The following ACSS1 variants were observed in gnomAD, a reference collection of about 807,000 sequenced individuals.
The protein encoded by ACSS1 is acetyl-coenzyme A synthetase 2-like, mitochondrial.
A neutral mutation model predicts 75.3 loss-of-function variants in ACSS1; 42 were observed. The ratio of observed to expected loss-of-function variants is 0.56; its 90% confidence interval spans 0.44 to 0.72. The LOEUF is 0.72. Ranked by LOEUF, ACSS1 falls within the 30% of genes least tolerant of loss-of-function variation. ACSS1 has a pLI of 0.00. For missense variants in ACSS1, 782 were observed against 935.7 expected, an observed-to-expected ratio of 0.84 and a Z score of 2.14; for synonymous variants, 380 against 376.8, an observed-to-expected ratio of 1.01 and a Z score of -0.10.
At chr20:25,050,952 G>A (rs926644013) in intron 1 of ACSS1, among the ~76,000 whole-genome samples, 1 of 152,116 alleles carries the variant, frequency 6.6e-6, no homozygotes, top group African/African-American at 2.4e-5. Flanking sequence ...CCTGGGTCCA[G>A]CAGATCAGAA....
rs141052908 is a variant in ACSS1 at position 25,057,849 on chromosome 20, G to A, written c.254C>T (p.Thr85Ile). ...GCAGTCCCAGACGGTGTGGTAGGGG[G>A]TGTCCCACACGAGAGTGTCCCGCGC... The part of the protein sequence containing the change: ...PLARDTLVWD[T>I]PYHTVWDCDF... The change falls in exon 1 of 14, where the codon ACC becomes ATC. Residue 85 changes from threonine (T) to isoleucine (I), a missense_variant. Thr to Ile is a moderately conservative substitution (Grantham distance 89). Transcript: ENST00000323482. The A allele has an allele frequency of 1.9e-6, 3 of 1,612,606 alleles. No homozygotes were observed. Among genetic ancestry groups the A allele is most frequent in the Admixed American group, 1.7e-5 (1 of 59,954 alleles).
At chr20:25,049,645 G>T (rs1243919602) in intron 1 of ACSS1, among the ~76,000 whole-genome samples, 1 of 152,218 alleles carries the variant, frequency 6.6e-6, no homozygotes, top group Non-Finnish European at 1.5e-5. Context: ...ACCCTGGGAA[G>T]TCAAGAGCAG....
chr20:25,009,586 A>G lies in ACSS1; in HGVS notation c.1772-198T>C, dbSNP rs967274693. 3 of 581,416 alleles carry G rather than the reference A, an allele frequency of 5.2e-6. No homozygotes were observed. In the African/African-American group the frequency reaches 5.6e-5, roughly 11 times the overall value. 36.0% of individuals were successfully genotyped at this position (581,416 alleles called of 1,614,324 possible). On this transcript the variant is annotated intron_variant, in intron 12 of 13. Transcript: ENST00000323482. ...CATGAAAAGTGGCAGCGATTCTAACAGCTCCACAGATGTTCCAGGTGAGTG... is the reference window on the plus strand; with the variant it reads ...CATGAAAAGTGGCAGCGATTCTAACGGCTCCACAGATGTTCCAGGTGAGTG...
rs2088663730 is a variant in ACSS1, at chr20:25,023,519, G to A, written c.754C>T (p.His252Tyr). 1 of 1,614,136 alleles carries A rather than the reference G, an allele frequency of 6.2e-7. No individual in the cohort carries two copies. The highest frequency in any genetic ancestry group is 8.5e-7 in the Non-Finnish European group (1 of 1,180,036). The change falls in exon 4 of 14, where the codon CAC becomes TAC. Residue 252 changes from histidine (H) to tyrosine (Y), a missense_variant. Coordinates refer to ENST00000323482, the MANE Select transcript of ACSS1 (RefSeq NM_032501.4). ...CPTVQHVLVA[H>Y]RTDNKVHMGD... is the part of the protein sequence containing the mutation. Reference sequence around the variant, plus strand: ...ATGTGGACCTTGTTGTCTGTCCTGTGAGCCACCAGGACATGCTGCACGGTG... The same window carrying A: ...ATGTGGACCTTGTTGTCTGTCCTGTAAGCCACCAGGACATGCTGCACGGTG...
At chr20:25,050,930 G>C (rs1345363807) in intron 1 of ACSS1, among the ~76,000 whole-genome samples, 1 of 152,146 alleles carries the variant, frequency 6.6e-6, no homozygotes, top group Non-Finnish European at 1.5e-5. Flanking sequence ...TCTTTCCAGG[G>C]CTGACAGGTG....
At chr20:25,030,626 CTAG>C in intron 3 of ACSS1, 130 bp downstream of exon 3, 1 of 1,030,380 alleles carries the variant, frequency 9.7e-7, no homozygotes, top group Non-Finnish European at 1.4e-6. Context: ...GTGCCTGTCC[CTAG>C]TACGATCTGT....
At chr20:25,046,950 C>T (rs1440525272) in intron 2 of ACSS1, 22 of 778,738 alleles carry the variant, frequency 2.8e-5, no homozygotes, top group East Asian at 2.2e-4. Flanking sequence ...GAGCCCTGGC[C>T]GAGGCTGGTG....
Position 25,006,909 on chromosome 20 carries a change from C to T in ACSS1, c.*853G>A, listed in dbSNP as rs749258922. 1.3e-6 allele frequency: 2 copies of T among 1,535,440 alleles called. No individual in the cohort carries two copies. The highest frequency in any genetic ancestry group is 1.7e-6 in the Non-Finnish European group (2 of 1,146,726). ...GTTTCTAATAGCTTCCCTGAAGAAC[C>T]CAACTATTTGGAGTATGTTGCCTCT... On this transcript the variant is annotated 3_prime_UTR_variant, in exon 14 of 14. Coordinates refer to ENST00000323482, the MANE Select transcript of ACSS1 (RefSeq NM_032501.4).
At chr20:25,033,146 CCA>C (rs1491572590) in intron 2 of ACSS1, among the ~76,000 whole-genome samples, 3 of 108,920 alleles carry the variant, frequency 2.8e-5, no homozygotes, top group Admixed American at 1.7e-4. Flanking sequence ...GAGCCGTGGT[CCA>C]GAGTCACTCA....
intron 1 of ACSS1, among the ~76,000 whole-genome samples, chr20:25,055,500 G>C (rs1353430138): frequency 6.6e-6 from 1 of 152,204 alleles, no homozygotes; most frequent in Admixed American, 6.5e-5. Flanking sequence ...TGTTTTAGAA[G>C]TGCCTTCATC....
chr20:25,057,350 T>G (rs1489051171), intron 1 of ACSS1, among the ~76,000 whole-genome samples: 1 of 152,164 alleles, frequency 6.6e-6, no homozygotes, highest in Non-Finnish European at 1.5e-5. Flanking sequence ...ACCGCTTTGT[T>G]TTTCCCTCCA....
rs369033674 is a variant in ACSS1, at chr20:25,019,846, G to A, written c.1246+164C>T. 1.4e-4 allele frequency among the ~76,000 whole-genome samples: 22 copies of A among 152,376 alleles called. No individual in the cohort carries two copies. In the South Asian group the frequency reaches 4.6e-3, roughly 32 times the overall value. The stretch of plus-strand genomic sequence containing the variant: ...GCCAGCTCTGGGGAGGAGCTTACAG[G>A]TGGGAAGAGGTGCTGGTGCTTTCTA... On this transcript the variant is annotated intron_variant, in intron 7 of 13. Coordinates refer to ENST00000323482, the MANE Select transcript of ACSS1 (RefSeq NM_032501.4).
At chr20:25,054,793 G>A (rs1311577434) in intron 1 of ACSS1, among the ~76,000 whole-genome samples, 1 of 152,226 alleles carries the variant, frequency 6.6e-6, no homozygotes, top group African/African-American at 2.4e-5. Flanking sequence ...AGCTGCATGA[G>A]GCCCAATAGA....
At chr20:25,049,560 A>T (rs998476478) in intron 1 of ACSS1, among the ~76,000 whole-genome samples, 2 of 152,246 alleles carry the variant, frequency 1.3e-5, no homozygotes. Flanking sequence ...GACCAAACAC[A>T]CAAGGCCGGT....
At position 25,043,176 on chromosome 20, in the gene ACSS1, C is replaced by T. The variant is rs146852461; in HGVS notation, c.431+4909G>A. ...CTCACCAGTCCCCCACTCCTGCCTT[C>T]GCCACACTTCCCCTTCCTCTGCCTC... On this transcript the variant is annotated intron_variant, in intron 2 of 13. Coordinates refer to ENST00000323482, the MANE Select transcript of ACSS1 (RefSeq NM_032501.4). Among the ~76,000 whole-genome samples, 388 of 152,272 alleles carry T rather than the reference C, an allele frequency of 2.5e-3. 1 individual carries two copies. The highest frequency in any genetic ancestry group is 8.7e-3 in the African/African-American group (361 of 41,560).
chr20:25,057,656 C>T lies in ACSS1; in HGVS notation c.334+113G>A, dbSNP rs1300695276. 3 of 1,062,830 alleles carry T rather than the reference C, an allele frequency of 2.8e-6. No individual in the cohort carries two copies. The East Asian group carries it at 8.6e-5, about 30-fold the overall frequency. The allele number at this position is 1,062,830 out of a possible 1,614,324, so 65.8% of individuals were successfully genotyped here. ...CGGACGGAATACCGGAGGAGGGGCC[C>T]CTGCAGGGCTGCGATCCGCGCTGCC... On this transcript the variant is annotated intron_variant, in intron 1 of 13. Coordinates refer to ENST00000323482, the MANE Select transcript of ACSS1 (RefSeq NM_032501.4).
At chr20:25,019,947 C>T in intron 7 of ACSS1, 63 bp downstream of exon 7, 1 of 1,604,830 alleles carries the variant, frequency 6.2e-7, no homozygotes, top group Non-Finnish European at 8.5e-7. Flanking sequence ...CTGCTGAAGC[C>T]CGTATTGGCT....
At chr20:25,023,158 C>T in intron 4 of ACSS1, 66 bp from the exon 5 acceptor site, 2 of 1,541,848 alleles carry the variant, frequency 1.3e-6, no homozygotes, top group South Asian at 1.2e-5. Flanking sequence ...AGCACTCCCC[C>T]TCCGCAGCAG....
intron 2 of ACSS1, among the ~76,000 whole-genome samples, chr20:25,036,928 C>T (rs192082311): frequency 5.6e-4 from 80 of 142,574 alleles, no homozygotes; most frequent in Middle Eastern, 3.8e-3. Context: ...GCACTGCAGC[C>T]TGGGTGACAG....
Sources: gnomAD v4.1 joint callset for allele counts (sites outside exome capture counted in the v4.1 genomes callset) on GRCh38, gnomAD v4.1.1 for gene constraint, MANE v1.5 for transcripts, NCBI Gene and HGNC (gene_info 2026-07-23, HGNC 2026-07-21) for gene names.